PCDH15: variants seen among roughly 807,000 people sequenced by gnomAD.
The protein encoded by PCDH15 is protocadherin-15.
Under a neutral mutation model 178.5 loss-of-function variants are expected in PCDH15, and 129 were observed. The ratio of observed to expected loss-of-function variants is 0.72; its 90% CI spans 0.63 to 0.84. PCDH15 has a LOEUF of 0.84. PCDH15 is among the 40% of genes least tolerant of loss of function. The pLI is 0.00. For synonymous variants in PCDH15, 800 were observed against 732.0 expected, an observed-to-expected ratio of 1.09 and a Z score of -1.50; for missense variants, 2,230 against 2,099.9, an observed-to-expected ratio of 1.06 and a Z score of -1.21.
At chr10:54,916,539 A>T (rs1564627759) in intron 2 of PCDH15, among the ~76,000 whole-genome samples, 2 of 152,196 alleles carry the variant, frequency 1.3e-5, no homozygotes, top group African/African-American at 4.8e-5. Flanking sequence ...TGTTTAAAAC[A>T]AAACATTTTT....
At chr10:54,536,997 CTTTTT>C (rs747880795) in intron 2 of PCDH15, among the ~76,000 whole-genome samples, 1 of 92,116 alleles carries the variant, frequency 1.1e-5, no homozygotes, top group African/African-American at 4.1e-5. Context: ...AATTTGTTTC[CTTTTT>C]TTTTTTTTTT....
intron 15 of PCDH15, among the ~76,000 whole-genome samples, chr10:54,126,626 C>A (rs944588304): frequency 1.3e-5 from 2 of 151,912 alleles, no homozygotes; most frequent in Admixed American, 1.3e-4. Flanking sequence ...ACTAATGCTA[C>A]ATTATAGGGG....
At chr10:53,909,193 C>T (rs1169632238) in intron 25 of PCDH15, among the ~76,000 whole-genome samples, 1 of 152,142 alleles carries the variant, frequency 6.6e-6, no homozygotes, top group South Asian at 2.1e-4. Context: ...GTGCTTCCCC[C>T]TACACTCCCT....
intron 2 of PCDH15, among the ~76,000 whole-genome samples, chr10:54,589,982 TGTCATTATCTTAGTCAGCA>T (rs1159711830): frequency 1.3e-5 from 2 of 152,184 alleles, no homozygotes; most frequent in African/African-American, 4.8e-5. Context: ...AATGAGCATT[TGTCATTATCTTAGTCAGCA>T]GTATATATTT....
intron 6 of PCDH15, among the ~76,000 whole-genome samples, chr10:54,337,970 T>G (rs1357693972): frequency 6.6e-6 from 1 of 152,220 alleles, no homozygotes; most frequent in East Asian, 1.9e-4. Flanking sequence ...AAAGTCTCTT[T>G]CGTCCAAATT....
At chr10:54,564,572 A>C (rs2088715017) in intron 2 of PCDH15, among the ~76,000 whole-genome samples, 1 of 152,136 alleles carries the variant, frequency 6.6e-6, no homozygotes. Flanking sequence ...GCTTGAATTT[A>C]CATGGTTGCA....
chr10:54,712,961 CGTT>C (rs1319105157), intron 1 of PCDH15, among the ~76,000 whole-genome samples: 1 of 151,864 alleles, frequency 6.6e-6, no homozygotes. Flanking sequence ...TGATAGAAAA[CGTT>C]GGCACAGATG....
Position 54,950,763 on chromosome 10 carries a change from T to C in PCDH15, c.-79-53263A>G, listed in dbSNP as rs192278060. Among the ~76,000 whole-genome samples, 8 of 152,054 alleles carry C rather than the reference T, an allele frequency of 5.3e-5. No individual in the cohort carries two copies. The East Asian group carries it at 1.6e-3, about 30-fold the overall frequency. ...CTATGATTCATTGACCTCTGCCTTGTCTCTCTCAATACATGGGGATTATGG... is the reference window on the plus strand; with the variant it reads ...CTATGATTCATTGACCTCTGCCTTGCCTCTCTCAATACATGGGGATTATGG... On this transcript the variant is annotated intron_variant, in intron 2 of 5. Coordinates refer to the PCDH15 transcript ENST00000458638.
intron 30 of PCDH15, among the ~76,000 whole-genome samples, chr10:53,830,963 G>A (rs2076980471): frequency 6.6e-6 from 1 of 152,234 alleles, no homozygotes; most frequent in South Asian, 2.1e-4. Flanking sequence ...GTGGGTATCC[G>A]CATATGACAT....
At chr10:54,944,416 A>T (rs1479695652) in intron 2 of PCDH15, among the ~76,000 whole-genome samples, 1 of 151,972 alleles carries the variant, frequency 6.6e-6, no homozygotes, top group Non-Finnish European at 1.5e-5. Context: ...AATCTAAATT[A>T]AAAGGAAGGG....
At chr10:53,909,730 T>G (rs1426341763) in intron 25 of PCDH15, among the ~76,000 whole-genome samples, 1 of 151,962 alleles carries the variant, frequency 6.6e-6, no homozygotes, top group East Asian at 1.9e-4. Context: ...GCAAAAGGGG[T>G]TGGGGGATTT....
chr10:54,586,098 G>T (rs2091444761), intron 2 of PCDH15, among the ~76,000 whole-genome samples: 1 of 152,090 alleles, frequency 6.6e-6, no homozygotes, highest in Non-Finnish European at 1.5e-5. Flanking sequence ...TGTAGCATTT[G>T]ATTATGTTCA....
Position 54,110,421 on chromosome 10 carries a change from AG to A in PCDH15, c.1918-20359del, listed in dbSNP as rs1216878704. Among the ~76,000 whole-genome samples the A allele has an allele frequency of 1.2e-4, 19 of 152,220 alleles. 1 individual carries two copies. The East Asian group carries it at 3.5e-3, about 28-fold the overall frequency. On this transcript the variant is annotated intron_variant, in intron 15 of 37. Transcript: ENST00000644397. ...TATATAAGTAAACAAAGGAAAAATA[AG>A]TATAAACAGGTCTTTTTAGCCTGCT...
intron 2 of PCDH15, among the ~76,000 whole-genome samples, chr10:55,389,524 G>A (rs758361721): frequency 2.6e-5 from 4 of 152,144 alleles, no homozygotes; most frequent in Admixed American, 6.6e-5. Flanking sequence ...AGGCAGTCTC[G>A]AGTTAAAAAT....
chr10:54,500,429 T>A (rs1022738283), intron 3 of PCDH15, among the ~76,000 whole-genome samples: 5 of 152,058 alleles, frequency 3.3e-5, no homozygotes, highest in Admixed American at 2.0e-4. Context: ...TGTACATGTA[T>A]CCCATGAACC....
At chr10:55,545,011 T>C (rs1049178608) in intron 2 of PCDH15, among the ~76,000 whole-genome samples, 8 of 152,060 alleles carry the variant, frequency 5.3e-5, no homozygotes, top group African/African-American at 1.7e-4. Flanking sequence ...ACTTTATAGG[T>C]AGTATACTTT....
chr10:54,394,140 G>A (rs1289850796), intron 3 of PCDH15, among the ~76,000 whole-genome samples: 2 of 152,132 alleles, frequency 1.3e-5, no homozygotes, highest in Admixed American at 1.3e-4. Context: ...ATTTTAGCCT[G>A]TGTAGAAACT....
At chr10:54,793,013 A>G (rs999467638) in intron 1 of PCDH15, among the ~76,000 whole-genome samples, 2 of 151,758 alleles carry the variant, frequency 1.3e-5, no homozygotes, top group Non-Finnish European at 2.9e-5. Flanking sequence ...ATTCCTACCC[A>G]GTACCAAGCT....
chr10:55,610,947 A>G (rs1170886483), intron 2 of PCDH15, among the ~76,000 whole-genome samples: 1 of 152,122 alleles, frequency 6.6e-6, no homozygotes, highest in Admixed American at 6.6e-5. Context: ...AGTTACCAAA[A>G]GAGAAGATAT....
Sources: allele counts gnomAD v4.1 joint callset (sites outside exome capture counted in the v4.1 genomes callset), GRCh38; gene constraint gnomAD v4.1.1; transcripts MANE v1.5; gene names NCBI Gene and HGNC (gene_info 2026-07-23, HGNC 2026-07-21).